Variants in LUZP2 observed in about 807,000 individuals in gnomAD.
The protein encoded by LUZP2 is leucine zipper protein 2.
Under a neutral mutation model 51.6 loss-of-function variants are expected in LUZP2, and 52 were observed. The ratio of observed to expected loss-of-function variants is 1.01; its 90% CI spans 0.81 to 1.27. LUZP2 has a LOEUF of 1.27. LUZP2 is among the 50% of genes most tolerant of loss of function. The pLI is 0.00. For synonymous variants in LUZP2, 154 were observed against 137.3 expected, an observed-to-expected ratio of 1.12 and a Z score of -0.85; for missense variants, 436 against 395.4, an observed-to-expected ratio of 1.10 and a Z score of -0.87.
At chr11:24,612,275 T>G (rs1854149517) in intron 1 of LUZP2, among the ~76,000 whole-genome samples, 1 of 152,070 alleles carries the variant, frequency 6.6e-6, no homozygotes. Context: ...GAAAATGCAG[T>G]GGAGGAACAG....
At chr11:24,688,981 G>T (rs994786151) in intron 1 of LUZP2, among the ~76,000 whole-genome samples, 24 of 152,198 alleles carry the variant, frequency 1.6e-4, no homozygotes, top group African/African-American at 5.8e-4. Context: ...GAATCTGTAC[G>T]AGTCTGTAGC....
rs139679291 is a variant in LUZP2 at position 25,026,402 on chromosome 11, A to G, written c.766-23636A>G. ...GAATGCTTAACATTTGGTATTTACA[A>G]ACTATCCTCTAGAGATAAATTATTA... On this transcript the variant is annotated intron_variant, in intron 9 of 11. Transcript: ENST00000336930. 1.9e-3 allele frequency among the ~76,000 whole-genome samples: 284 copies of G among 152,318 alleles called. 8 individuals are homozygous for G. In the East Asian group the frequency reaches 0.051, roughly 27 times the overall value.
chr11:24,920,880 C>G (rs1005344017), intron 7 of LUZP2, among the ~76,000 whole-genome samples: 4 of 151,920 alleles, frequency 2.6e-5, no homozygotes, highest in Non-Finnish European at 5.9e-5. Flanking sequence ...ACTGAAAGCC[C>G]AGACATCACC....
Position 24,977,714 on chromosome 11 carries a change from G to A in LUZP2, c.597+1049G>A, listed in dbSNP as rs1855917167. ...TATAGGTAATAAATATATGTATGTT[G>A]CACATATGCCCATAATATGTATGTA... On this transcript the variant is annotated intron_variant, in intron 8 of 11. Transcript: ENST00000336930. Among the ~76,000 whole-genome samples, 3 of 151,226 alleles carry A rather than the reference G, an allele frequency of 2.0e-5. No homozygotes were observed. The Admixed American group carries it at 2.0e-4, about 10-fold the overall frequency.
Position 24,804,316 on chromosome 11 carries a change from G to A in LUZP2, c.396+41008G>A, listed in dbSNP as rs1413238390. ...GTTTCTAGTTACTCCATCAAAGGTAGGAATGTTATAGAAATTTTAGGGGAG... is the reference window on the plus strand; with the variant it reads ...GTTTCTAGTTACTCCATCAAAGGTAAGAATGTTATAGAAATTTTAGGGGAG... On this transcript the variant is annotated intron_variant, in intron 5 of 11. Transcript: ENST00000336930. Among the ~76,000 whole-genome samples the A allele has an allele frequency of 2.6e-5, 4 of 152,186 alleles. No homozygotes were observed. In the East Asian group the frequency reaches 7.7e-4, roughly 29 times the overall value.
intron 1 of LUZP2, among the ~76,000 whole-genome samples, chr11:24,501,017 T>C (rs72869891): frequency 0.091 from 13,808 of 152,162 alleles, 657 homozygotes; most frequent in Admixed American, 0.11. Context: ...CCAAATAAAT[T>C]TGATGCAAGA....
At chr11:25,073,284 C>T (rs1859207640) in intron 10 of LUZP2, among the ~76,000 whole-genome samples, 1 of 152,178 alleles carries the variant, frequency 6.6e-6, no homozygotes, top group South Asian at 2.1e-4. Flanking sequence ...ACTCAGGCTT[C>T]TTATGACCTT....
At chr11:24,671,890 A>T (rs1856411751) in intron 1 of LUZP2, among the ~76,000 whole-genome samples, 1 of 152,168 alleles carries the variant, frequency 6.6e-6, no homozygotes, top group African/African-American at 2.4e-5. Flanking sequence ...TCAAAGTAAT[A>T]TTCAAGGACA....
chr11:24,547,203 G>GAAA (rs3077914), intron 1 of LUZP2, among the ~76,000 whole-genome samples: 41 of 100,268 alleles, frequency 4.1e-4, no homozygotes, highest in Middle Eastern at 4.7e-3. Flanking sequence ...TACAGAATTA[G>GAAA]AAAAAAAAAA....
In LUZP2 at chr11:24,907,730, T is replaced by C. The variant is rs1310648468; in HGVS notation, c.459+1677T>C. On this transcript the variant is annotated intron_variant, in intron 6 of 11. Coordinates refer to ENST00000336930, the MANE Select transcript of LUZP2 (RefSeq NM_001009909.4). ...GTATATGAAAGAGAGGAAGCTCCTA[T>C]GAGAAATATCTGTGGTGCACAGAAG... 5.3e-5 allele frequency among the ~76,000 whole-genome samples: 8 copies of C among 152,292 alleles called. No homozygotes were observed. In the East Asian group the frequency reaches 1.5e-3, roughly 29 times the overall value.
intron 7 of LUZP2, among the ~76,000 whole-genome samples, chr11:24,964,452 G>C (rs1855522806): frequency 1.3e-5 from 2 of 152,102 alleles, no homozygotes; most frequent in African/African-American, 4.8e-5. Flanking sequence ...AGTTAAGGTA[G>C]TATTAATTTT....
intron 8 of LUZP2, among the ~76,000 whole-genome samples, chr11:24,977,815 C>A (rs543343776): frequency 7.3e-5 from 11 of 151,074 alleles, no homozygotes; most frequent in African/African-American, 2.7e-4. Flanking sequence ...CAAAATTTTG[C>A]TTTTAACACT....
chr11:24,805,358 C>A (rs796743127), intron 5 of LUZP2, among the ~76,000 whole-genome samples: 2 of 152,072 alleles, frequency 1.3e-5, no homozygotes, highest in South Asian at 4.1e-4. Context: ...GTGGGAGTTA[C>A]AATTCAATAT....
chr11:24,664,061 C>T (rs762799962), intron 1 of LUZP2, among the ~76,000 whole-genome samples: 1 of 151,388 alleles, frequency 6.6e-6, no homozygotes, highest in Non-Finnish European at 1.5e-5. Flanking sequence ...ATAAGGATAC[C>T]AAAAAAAATG....
intron 1 of LUZP2, among the ~76,000 whole-genome samples, chr11:24,654,905 T>C (rs1264916007): frequency 6.6e-6 from 1 of 152,084 alleles, no homozygotes; most frequent in Non-Finnish European, 1.5e-5. Flanking sequence ...AAAATAAAGA[T>C]GTTCCTTGGC....
rs1410288159 is a variant in LUZP2, at chr11:25,079,837, G to T, written c.*1179G>T. The stretch of plus-strand genomic sequence containing the variant: ...ACCGTAGAAAGCATATTAAACCATT[G>T]GTTTTGCAGGATGGATCTGTCAAAC... On this transcript the variant is annotated 3_prime_UTR_variant, in exon 12 of 12. Transcript: ENST00000336930. 1.3e-5 allele frequency: 2 copies of T among 152,008 alleles called. No individual in the cohort carries two copies. The highest frequency in any genetic ancestry group is 4.8e-5 in the African/African-American group (2 of 41,388). The allele number at this position is 152,008 out of a possible 1,614,324, so 9.4% of individuals were successfully genotyped here. A position where few individuals can be genotyped will look rare whatever the true frequency, so the allele number is the denominator to read the frequency against.
chr11:24,829,067 C>T (rs1330322350), intron 5 of LUZP2, among the ~76,000 whole-genome samples: 1 of 152,158 alleles, frequency 6.6e-6, no homozygotes, highest in South Asian at 2.1e-4. Flanking sequence ...AACTAGCCAA[C>T]TGCTGAGAGA....
At chr11:24,520,520 A>G (rs1216725875) in intron 1 of LUZP2, among the ~76,000 whole-genome samples, 2 of 152,246 alleles carry the variant, frequency 1.3e-5, no homozygotes, top group Non-Finnish European at 2.9e-5. Flanking sequence ...ATGTAAATTT[A>G]AATTTCAATA....
chr11:24,632,047 G>T (rs181227523), intron 1 of LUZP2, among the ~76,000 whole-genome samples: 4 of 152,018 alleles, frequency 2.6e-5, no homozygotes, highest in African/African-American at 9.6e-5. Context: ...CTATGGAAGT[G>T]GGGCATTTAT....
Sources: allele counts gnomAD v4.1 joint callset (sites outside exome capture counted in the v4.1 genomes callset), GRCh38; gene constraint gnomAD v4.1.1; transcripts MANE v1.5; gene names NCBI Gene and HGNC (gene_info 2026-07-23, HGNC 2026-07-21).